Variants in DNAJA3 observed in about 807,000 individuals in gnomAD.
The protein encoded by DNAJA3 is DnaJ heat shock protein family (Hsp40) member A3.
A neutral mutation model predicts 54.9 loss-of-function variants in DNAJA3; 29 were observed. The ratio of observed to expected loss-of-function variants is 0.53; its 90% confidence interval spans 0.39 to 0.72. The LOEUF is 0.72. Ranked by LOEUF, DNAJA3 falls within the 30% of genes least tolerant of loss-of-function variation. The pLI, the probability that DNAJA3 is intolerant of heterozygous loss-of-function variation, is 0.00. For synonymous variants in DNAJA3, 302 were observed against 251.4 expected (o/e 1.20, Z -1.90); for missense variants, 708 against 639.4 (o/e 1.11, Z -1.16).
intron 2 of DNAJA3, among the ~76,000 whole-genome samples, chr16:4,435,715 G>T (rs1260611740): frequency 6.6e-6 from 1 of 152,114 alleles, no homozygotes; most frequent in Non-Finnish European, 1.5e-5. Flanking sequence ...ATCACATTTT[G>T]TTTATTCATC....
chr16:4,442,373 C>T lies in DNAJA3; in HGVS notation c.736C>T (p.Pro246Ser). 6.2e-7 allele frequency: 1 copy of T among 1,609,506 alleles called. No individual in the cohort carries two copies. Among genetic ancestry groups the T allele is most frequent in the Non-Finnish European group, 8.5e-7 (1 of 1,177,754 alleles). The change falls in exon 5 of 12, where the codon CCC becomes TCC. Residue 246 changes from proline to serine, a missense_variant. Pro to Ser is a moderately conservative substitution (Grantham distance 74, BLOSUM62 -1). Coordinates refer to ENST00000262375, the MANE Select transcript of DNAJA3 (RefSeq NM_005147.6). ...GCGCTGCAACGGCAAGGGGAACGAG[C>T]CCGGCACCAAGGTGCAGCATTGCCA... ...CERCNGKGNE[P>S]GTKVQHCHYC... is the part of the protein sequence containing the mutation.
At chr16:4,436,791 A>C (rs960433018) in intron 2 of DNAJA3, among the ~76,000 whole-genome samples, 2 of 152,132 alleles carry the variant, frequency 1.3e-5, no homozygotes, top group African/African-American at 4.8e-5. Flanking sequence ...CCAGCTCAGC[A>C]TCTCAAAGTG....
chr16:4,428,318 T>A (rs1036607395), intron 1 of DNAJA3, among the ~76,000 whole-genome samples: 3 of 152,154 alleles, frequency 2.0e-5, no homozygotes, highest in African/African-American at 7.2e-5. Context: ...TGATCCTGGC[T>A]CACTTCAGCC....
intron 2 of DNAJA3, 72 bp downstream of exon 2, chr16:4,434,589 A>T (rs888153583): frequency 2.6e-6 from 4 of 1,546,392 alleles, no homozygotes; most frequent in Admixed American, 2.0e-5. Context: ...GATCCTGATC[A>T]GTACAGCGTA....
chr16:4,441,687 T>C (rs945599594), intron 4 of DNAJA3, 112 bp downstream of exon 4: 3 of 1,041,358 alleles, frequency 2.9e-6, no homozygotes, highest in Middle Eastern at 4.8e-4. Context: ...AATGGAGTGA[T>C]CTGGAGGCAG....
chr16:4,450,123 C>A, intron 9 of DNAJA3: 1 of 379,692 alleles, frequency 2.6e-6, no homozygotes, highest in Non-Finnish European at 4.7e-6. Context: ...CACATACACA[C>A]TGGTAAAATC....
At chr16:4,452,980 A>G (rs539564699) in intron 10 of DNAJA3, among the ~76,000 whole-genome samples, 79 of 152,326 alleles carry the variant, frequency 5.2e-4, no homozygotes, top group African/African-American at 1.9e-3. Context: ...CTGTGAAGAC[A>G]GTTAGTTTTG....
At chr16:4,434,253 G>C (rs529861570) in intron 1 of DNAJA3, 131 bp from the exon 2 acceptor site, 1 of 997,682 alleles carries the variant, frequency 1.0e-6, no homozygotes, top group Admixed American at 2.6e-5. Flanking sequence ...GTTGAGATCT[G>C]GGTGGGGACA....
intron 1 of DNAJA3, among the ~76,000 whole-genome samples, chr16:4,432,108 GT>G (rs2056710454): frequency 6.7e-6 from 1 of 150,058 alleles, no homozygotes; most frequent in Non-Finnish European, 1.5e-5. Flanking sequence ...GCCTATTTCT[GT>G]CTCTCTCTCT....
Position 4,443,106 on chromosome 16 carries a change from C to G in DNAJA3, c.873C>G (p.Val291=), listed in dbSNP as rs549070150. The G allele has an allele frequency of 6.2e-7, 1 of 1,613,974 alleles. No homozygotes were observed. The highest frequency in any genetic ancestry group is 8.5e-7 in the Non-Finnish European group (1 of 1,179,996). Reference sequence around the variant, plus strand: ...CCATCATCATATCGCCCTGTGTGGTCTGCAGGGGAGCAGGACAAGCCAAGC... The same window carrying G: ...CCATCATCATATCGCCCTGTGTGGTGTGCAGGGGAGCAGGACAAGCCAAGC... ...RGSIIISPCV[V]CRGAGQAKQK... is the part of the protein sequence containing the mutation. The change falls in exon 6 of 12, where the codon GTC becomes GTG. Residue 291 remains valine (V), a synonymous_variant. Coordinates refer to ENST00000262375, the MANE Select transcript of DNAJA3 (RefSeq NM_005147.6).
intron 1 of DNAJA3, among the ~76,000 whole-genome samples, chr16:4,429,311 C>T (rs1019735845): frequency 6.6e-6 from 1 of 152,110 alleles, no homozygotes; most frequent in African/African-American, 2.4e-5. Flanking sequence ...GCATCCTCCG[C>T]TTCCTGGGTT....
At position 4,442,290 on chromosome 16, in the gene DNAJA3, A is replaced by G. The variant is rs778375002; in HGVS notation, c.653A>G (p.Asn218Ser). Reference protein sequence around the residue: ...PQEYFMELTFNQAAKGVNKEF... With the variant: ...PQEYFMELTFSQAAKGVNKEF... ...TAGTACTTCATGGAGTTGACATTCA[A>G]TCAAGCTGCAAAGGGGGTCAACAAG... The change falls in exon 5 of 12, where the codon AAT becomes AGT. Residue 218 changes from asparagine (N) to serine (S), a missense_variant. Transcript: ENST00000262375. 1.9e-6 allele frequency: 3 copies of G among 1,597,648 alleles called. No homozygotes were observed. The highest frequency in any genetic ancestry group is 1.1e-5 in the South Asian group (1 of 88,446).
rs2056882489 is a variant in DNAJA3, at chr16:4,444,740, G to T, written c.996+12G>T. On this transcript the variant is annotated intron_variant, in intron 7 of 11. Coordinates refer to ENST00000262375, the MANE Select transcript of DNAJA3 (RefSeq NM_005147.6). ...TCATTACGTTCAGGGTAGGTGCCCT[G>T]CCCCGCACAGCTTCTGTTGGGCCTT... 1.2e-6 allele frequency: 2 copies of T among 1,612,946 alleles called. No homozygotes were observed. Among genetic ancestry groups the T allele is most frequent in the African/African-American group, 1.3e-5 (1 of 74,914 alleles).
At chr16:4,444,001 T>G (rs1025352820) in intron 6 of DNAJA3, among the ~76,000 whole-genome samples, 36 of 152,212 alleles carry the variant, frequency 2.4e-4, no homozygotes, top group Non-Finnish European at 4.4e-5. Flanking sequence ...TACTGTTGTT[T>G]AGATGTCTGT....
rs201017600 is a variant in DNAJA3 at position 4,446,892 on chromosome 16, A to G, written c.1003A>G (p.Lys335Glu). The G allele has an allele frequency of 1.8e-5, 29 of 1,613,962 alleles. 1 individual carries two copies. Among genetic ancestry groups the G allele is most frequent in the Middle Eastern group, 1.7e-4 (1 of 6,052 alleles). Residue 335 changes from lysine to glutamate, a missense_variant, in exon 8 of 12, where the codon AAA becomes GAA. Lys to Glu is a moderately conservative substitution (Grantham distance 56, BLOSUM62 1). Coordinates refer to ENST00000262375, the MANE Select transcript of DNAJA3 (RefSeq NM_005147.6). ...CTGTCATGTTTGGCCTTAGGTGCAG[A>G]AAAGCCCTGTGTTCCGGAGGGACGG... ...REIFITFRVQ[K>E]SPVFRRDGAD...
intron 2 of DNAJA3, 132 bp from the exon 3 acceptor site, chr16:4,437,270 C>T (rs573894661): frequency 4.4e-5 from 34 of 779,460 alleles, no homozygotes; most frequent in South Asian, 3.6e-4. Flanking sequence ...TGCACCCAGC[C>T]GAGAGACAAC....
At chr16:4,433,995 T>A in intron 1 of DNAJA3, 1 of 232,834 alleles carries the variant, frequency 4.3e-6, no homozygotes, top group Non-Finnish European at 8.4e-6. Flanking sequence ...AGGAAAGAGG[T>A]TTATTTAACT....
intron 1 of DNAJA3, among the ~76,000 whole-genome samples, chr16:4,432,347 CTTTTTTTT>C (rs1020329470): frequency 3.0e-4 from 6 of 19,940 alleles, no homozygotes; most frequent in Non-Finnish European, 1.0e-3. Flanking sequence ...TTTTTTTTTT[CTTTTTTTT>C]TTCTGTGATG....
intron 1 of DNAJA3, among the ~76,000 whole-genome samples, chr16:4,426,443 G>A (rs796526837): frequency 6.6e-6 from 1 of 152,180 alleles, no homozygotes; most frequent in African/African-American, 2.4e-5. Context: ...ACTGCCATTC[G>A]GAGAGGCCTA....
Sources: allele counts gnomAD v4.1 joint callset (sites outside exome capture counted in the v4.1 genomes callset), GRCh38; gene constraint gnomAD v4.1.1; transcripts MANE v1.5; gene names NCBI Gene and HGNC (gene_info 2026-07-23, HGNC 2026-07-21).